MAGI2: variants seen among roughly 807,000 people sequenced by gnomAD.
MAGI2 encodes membrane-associated guanylate kinase, WW and PDZ domain-containing protein 2.
MAGI2 carries 35 observed loss-of-function variants against 133.3 expected under a neutral mutation model. That is an observed-to-expected ratio of 0.26 (90% CI 0.20 to 0.35). The LOEUF (loss-of-function observed/expected upper bound fraction) is 0.35. Among genes scored for constraint, MAGI2 ranks in the 10% least tolerant of loss-of-function variants. The pLI is 1.00. For synonymous variants in MAGI2, 729 were observed against 710.6 expected (o/e 1.03, Z -0.41); for missense variants, 1,636 against 1,863.4 (o/e 0.88, Z 2.25).
At chr7:78,919,235 A>C (rs1799040771) in intron 2 of MAGI2, among the ~76,000 whole-genome samples, 1 of 152,126 alleles carries the variant, frequency 6.6e-6, no homozygotes, top group African/African-American at 2.4e-5. Flanking sequence ...AAAATCTAAC[A>C]GTGAGGTACT....
intron 21 of MAGI2, among the ~76,000 whole-genome samples, chr7:78,022,373 G>A (rs918583707): frequency 2.0e-5 from 3 of 152,206 alleles, no homozygotes; most frequent in Admixed American, 6.5e-5. Flanking sequence ...ATATGGTAGA[G>A]TTAATTAGCT....
chr7:79,236,137 A>G (rs914150514), intron 1 of MAGI2, among the ~76,000 whole-genome samples: 1 of 152,260 alleles, frequency 6.6e-6, no homozygotes, highest in Admixed American at 6.5e-5. Context: ...ATACTTTTCT[A>G]AAAACATATT....
At chr7:79,202,587 T>C (rs115522726) in intron 1 of MAGI2, among the ~76,000 whole-genome samples, 1 of 151,982 alleles carries the variant, frequency 6.6e-6, no homozygotes, top group South Asian at 2.1e-4. Flanking sequence ...TGCTGTTTCA[T>C]ACATTATTTA....
At chr7:78,877,151 A>T (rs1471485049) in intron 2 of MAGI2, among the ~76,000 whole-genome samples, 1 of 152,208 alleles carries the variant, frequency 6.6e-6, no homozygotes, top group Non-Finnish European at 1.5e-5. Flanking sequence ...TAGAATACAC[A>T]CTTTTCGTGT....
intron 3 of MAGI2, among the ~76,000 whole-genome samples, chr7:78,570,261 A>G (rs906458432): frequency 6.6e-6 from 1 of 152,180 alleles, no homozygotes; most frequent in African/African-American, 2.4e-5. Context: ...TTCTTGTCCA[A>G]TTTGCTAAAA....
intron 1 of MAGI2, among the ~76,000 whole-genome samples, chr7:79,049,294 A>G (rs558785715): frequency 6.6e-6 from 1 of 152,176 alleles, no homozygotes; most frequent in Non-Finnish European, 1.5e-5. Flanking sequence ...TCCCCCTGCC[A>G]TCAAAGAGCT....
chr7:78,956,936 G>A (rs139573599), intron 2 of MAGI2, among the ~76,000 whole-genome samples: 4 of 152,130 alleles, frequency 2.6e-5, no homozygotes, highest in East Asian at 3.9e-4. Flanking sequence ...CTTCTTTATC[G>A]ATGGGCCAAA....
At chr7:79,171,066 G>A (rs1421912688) in intron 1 of MAGI2, among the ~76,000 whole-genome samples, 1 of 152,064 alleles carries the variant, frequency 6.6e-6, no homozygotes, top group Admixed American at 6.6e-5. Flanking sequence ...GATACAATTG[G>A]AAGCTATATT....
At chr7:78,096,125 G>C (rs1488415433) in intron 20 of MAGI2, among the ~76,000 whole-genome samples, 1 of 152,168 alleles carries the variant, frequency 6.6e-6, no homozygotes, top group Non-Finnish European at 1.5e-5. Context: ...TGATCTTTTA[G>C]TTGTTATTGT....
rs548635984 is a variant in MAGI2 at position 78,774,651 on chromosome 7, T to G, written c.419-147412A>C. Among the ~76,000 whole-genome samples, 23 of 152,240 alleles carry G rather than the reference T, an allele frequency of 1.5e-4. 2 individuals carry two copies. In the South Asian group the frequency reaches 4.6e-3, roughly 30 times the overall value. On this transcript the variant is annotated intron_variant, in intron 2 of 21. Coordinates refer to ENST00000354212, the MANE Select transcript of MAGI2 (RefSeq NM_012301.4). ...TCTCATCAGTTATAGCCAGAGTGTC[T>G]CACATTCACTTTGCAGGAGCTCTGG... is the stretch of plus-strand genomic sequence containing the variant.
intron 10 of MAGI2, among the ~76,000 whole-genome samples, chr7:78,238,546 C>CT (rs1031384154): frequency 1.3e-4 from 19 of 147,798 alleles, no homozygotes; most frequent in African/African-American, 4.6e-4. Flanking sequence ...AAAAAAAAAT[C>CT]TTTGATTTTT....
intron 3 of MAGI2, among the ~76,000 whole-genome samples, chr7:78,527,029 A>AAAAAAAAAAAAAAAAAAG (rs1563125198): frequency 4.8e-5 from 6 of 124,900 alleles, no homozygotes; most frequent in Non-Finnish European, 1.0e-4. Context: ...AAAAAAAAAA[A>AAAAAAAAAAAAAAAAAAG]AAAAAGAAAA....
intron 1 of MAGI2, among the ~76,000 whole-genome samples, chr7:79,203,487 C>T (rs2129552092): frequency 6.6e-6 from 1 of 152,040 alleles, no homozygotes; most frequent in Admixed American, 6.5e-5. Flanking sequence ...CTGTAGTAAC[C>T]TCATTAGAGA....
intron 13 of MAGI2, among the ~76,000 whole-genome samples, chr7:78,178,617 A>C (rs1457907738): frequency 6.6e-6 from 1 of 151,872 alleles, no homozygotes; most frequent in African/African-American, 2.4e-5. Flanking sequence ...TGTAGGGTAT[A>C]AACGTATGCC....
intron 2 of MAGI2, among the ~76,000 whole-genome samples, chr7:78,700,021 A>C (rs2151145941): frequency 6.6e-6 from 1 of 152,278 alleles, no homozygotes; most frequent in South Asian, 2.1e-4. Flanking sequence ...GAAGCAAATC[A>C]CTTGGACCTA....
intron 1 of MAGI2, among the ~76,000 whole-genome samples, chr7:79,421,827 C>A (rs577508273): frequency 1.3e-5 from 2 of 152,176 alleles, no homozygotes; most frequent in East Asian, 3.9e-4. Flanking sequence ...ACTGTTTTCA[C>A]ATCTAATCAG....
At chr7:78,836,118 T>G (rs1022084909) in intron 2 of MAGI2, among the ~76,000 whole-genome samples, 2 of 152,218 alleles carry the variant, frequency 1.3e-5, no homozygotes, top group Admixed American at 1.3e-4. Context: ...AATAGATGTG[T>G]TGGTAACTAA....
chr7:79,188,076 T>C (rs897700167), intron 1 of MAGI2, among the ~76,000 whole-genome samples: 3 of 151,800 alleles, frequency 2.0e-5, no homozygotes, highest in Non-Finnish European at 4.4e-5. Flanking sequence ...GTAATTCAGT[T>C]TGGGAAAATT....
intron 3 of MAGI2, among the ~76,000 whole-genome samples, chr7:78,604,483 C>A (rs1381031936): frequency 6.6e-6 from 1 of 152,162 alleles, no homozygotes; most frequent in East Asian, 1.9e-4. Flanking sequence ...CCGTCCCAGA[C>A]AAATGTTCTA....
Sources: gnomAD v4.1 joint callset for allele counts (sites outside exome capture counted in the v4.1 genomes callset) on GRCh38, gnomAD v4.1.1 for gene constraint, MANE v1.5 for transcripts, NCBI Gene and HGNC (gene_info 2026-07-23, HGNC 2026-07-21) for gene names.